Variants in FBXL4 observed in about 807,000 individuals in gnomAD.
The protein encoded by FBXL4 is F-box/LRR-repeat protein 4.
Under a neutral mutation model 58.9 loss-of-function variants are expected in FBXL4, and 40 were observed. The ratio of observed to expected loss-of-function variants is 0.68; its 90% CI spans 0.53 to 0.88. The LOEUF (loss-of-function observed/expected upper bound fraction) is 0.88, where lower values mean the gene tolerates loss of function less well. Ranked by LOEUF, FBXL4 falls within the 40% of genes least tolerant of loss-of-function variation. FBXL4 has a pLI of 0.00. For synonymous variants in FBXL4, 263 were observed against 265.5 expected, an observed-to-expected ratio of 0.99 and a Z score of 0.09; for missense variants, 676 against 734.4, an observed-to-expected ratio of 0.92 and a Z score of 0.92.
intron 2 of FBXL4, among the ~76,000 whole-genome samples, chr6:98,931,121 G>A (rs761277273): frequency 4.6e-5 from 7 of 152,096 alleles, no homozygotes; most frequent in Admixed American, 3.3e-4. Context: ...CTCACTCCAC[G>A]GTCTATAAAT....
At chr6:98,901,786 T>C (rs1771621413) in intron 6 of FBXL4, among the ~76,000 whole-genome samples, 1 of 152,224 alleles carries the variant, frequency 6.6e-6, no homozygotes, top group Non-Finnish European at 1.5e-5. Flanking sequence ...CTTTAATGCA[T>C]AATTACATAT....
rs1770424808 is a variant in FBXL4, at chr6:98,869,000, A to C, written c.*5278T>G. 1 of 152,212 alleles carries C rather than the reference A, an allele frequency of 6.6e-6. No homozygotes were observed. The highest frequency in any genetic ancestry group is 6.5e-5 in the Admixed American group (1 of 15,286). 9.4% of individuals were successfully genotyped at this position (152,212 alleles called of 1,614,324 possible). On this transcript the variant is annotated 3_prime_UTR_variant, in exon 10 of 10. Transcript: ENST00000369244. ...ACTTATAAAAAATATATAATAAATC[A>C]TGATCTTTGATTAAAGCAAATGACT... is the stretch of plus-strand genomic sequence containing the variant.
intron 7 of FBXL4, chr6:98,898,862 A>T: frequency 1.0e-6 from 1 of 985,374 alleles, no homozygotes; most frequent in Non-Finnish European, 1.2e-6. Flanking sequence ...TAACTATGGT[A>T]TTACAAATTT....
chr6:98,879,376 G>A (rs191590475), intron 8 of FBXL4, among the ~76,000 whole-genome samples: 2 of 152,226 alleles, frequency 1.3e-5, no homozygotes, highest in Admixed American at 1.3e-4. Context: ...GATGAAGTGA[G>A]GAGGAATGAA....
rs748199266 is a variant in FBXL4, at chr6:98,917,383, T to C, written c.849A>G (p.Leu283=). ...AATATTTTTGGCTTACCTCATAAGG[T>C]AGTTTATCAAAATACCCATTATTTG... The part of the protein sequence containing the change: ...EGPNNGYFDK[L]PYELIQLILN... The change falls in exon 5 of 10, where the codon CTA becomes CTG. Residue 283 remains leucine (L), a synonymous_variant. Coordinates refer to ENST00000369244, the MANE Select transcript of FBXL4 (RefSeq NM_001278716.2). The C allele has an allele frequency of 1.2e-6, 2 of 1,600,936 alleles. No individual in the cohort carries two copies. Among genetic ancestry groups the C allele is most frequent in the Non-Finnish European group, 8.5e-7 (1 of 1,173,120 alleles).
At chr6:98,882,637 A>G (rs920171779) in intron 7 of FBXL4, among the ~76,000 whole-genome samples, 1 of 151,766 alleles carries the variant, frequency 6.6e-6, no homozygotes, top group South Asian at 2.1e-4. Flanking sequence ...TATCAACTCA[A>G]TATTTTGTTT....
In FBXL4 at chr6:98,891,724, A is replaced by G. The variant is rs1484717077; in HGVS notation, c.1317+7544T>C. Among the ~76,000 whole-genome samples the G allele has an allele frequency of 7.3e-5, 5 of 68,756 alleles. No individual in the cohort carries two copies. The South Asian group carries it at 2.9e-3, about 40-fold the overall frequency. The allele number at this position is 68,756 out of a possible 152,430, so 45.1% of individuals were successfully genotyped here. A position where few individuals can be genotyped will look rare whatever the true frequency, so the allele number is the denominator to read the frequency against. ...ACACAGTGAGACCCTATCTCTACCA[A>G]AAAAAAAAAAAAAAAAAATTTAAAG... On this transcript the variant is annotated intron_variant, in intron 7 of 9. Transcript: ENST00000369244.
At chr6:98,886,546 G>C (rs557942762) in intron 7 of FBXL4, among the ~76,000 whole-genome samples, 1 of 152,064 alleles carries the variant, frequency 6.6e-6, no homozygotes, top group South Asian at 2.1e-4. Context: ...AAAATTTCTA[G>C]TTCTTTTTCA....
rs1773322420 is a variant in FBXL4 at position 98,938,893 on chromosome 6, A to G, written c.-308-4014T>C. ...AGACCAGGAGTTTAAGACCAGCCTA[A>G]GAAACATAGGGAGACCCTGCCTCTA... On this transcript the variant is annotated intron_variant, in intron 1 of 9. Coordinates refer to ENST00000369244, the MANE Select transcript of FBXL4 (RefSeq NM_001278716.2). Among the ~76,000 whole-genome samples, 3 of 151,994 alleles carry G rather than the reference A, an allele frequency of 2.0e-5. No individual in the cohort carries two copies. The South Asian group carries it at 6.2e-4, about 32-fold the overall frequency.
Position 98,875,585 on chromosome 6 carries a change from T to A in FBXL4, c.1532A>T (p.Asp511Val). The A allele has an allele frequency of 1.2e-6, 2 of 1,614,108 alleles. No homozygotes were observed. Among genetic ancestry groups the A allele is most frequent in the Non-Finnish European group, 1.7e-6 (2 of 1,180,008 alleles). ...CTGCAGAGTTGGGCACCAGCCAAGG[T>A]CAAGCTCCTCCAGTAGTGGACACCC... ...ASGCPLLEEL[D>V]LGWCPTLQSS... Residue 511 changes from aspartate (D) to valine (V), a missense_variant, in exon 9 of 10, where the codon GAC becomes GTC. Asp to Val is a radical substitution (Grantham distance 152, BLOSUM62 -3). Transcript: ENST00000369244.
At chr6:98,895,661 C>T (rs1771383862) in intron 7 of FBXL4, among the ~76,000 whole-genome samples, 1 of 152,130 alleles carries the variant, frequency 6.6e-6, no homozygotes, top group African/African-American at 2.4e-5. Flanking sequence ...ATACCACCAA[C>T]CCTATTCAGA....
intron 5 of FBXL4, among the ~76,000 whole-genome samples, chr6:98,910,850 G>A (rs1031027622): frequency 6.6e-5 from 10 of 152,270 alleles, no homozygotes; most frequent in Admixed American, 2.6e-4. Flanking sequence ...GCAGCGCACC[G>A]TGCGCCAGCC....
intron 5 of FBXL4, among the ~76,000 whole-genome samples, chr6:98,912,509 G>A (rs1001247254): frequency 6.6e-6 from 1 of 152,118 alleles, no homozygotes; most frequent in Non-Finnish European, 1.5e-5. Flanking sequence ...AGAAGAGAGT[G>A]GGGGCCAATA....
At position 98,899,334 on chromosome 6, in the gene FBXL4, T is replaced by C. The variant is rs151258576; in HGVS notation, c.1251A>G (p.Gln417=). 3.3e-4 allele frequency: 529 copies of C among 1,613,936 alleles called. 2 individuals carry two copies. The highest frequency in any genetic ancestry group is 1.6e-4 in the Non-Finnish European group (183 of 1,179,958). ...NLSSCDKLPP[Q]AFNHIAKLCS... ...ATAACTTGGCAATGTGGTTGAAAGC[T>C]TGAGGTGGTAGCTTATCACAGGAGG... is the stretch of plus-strand genomic sequence containing the variant. Residue 417 remains glutamine, a synonymous_variant, in exon 7 of 10, where the codon CAA becomes CAG. Transcript: ENST00000369244.
chr6:98,937,420 A>G (rs1773262375), intron 1 of FBXL4, among the ~76,000 whole-genome samples: 1 of 152,254 alleles, frequency 6.6e-6, no homozygotes, highest in East Asian at 1.9e-4. Flanking sequence ...TGTAAGTTAT[A>G]TAATTTATGC....
At chr6:98,901,779 T>C (rs886937538) in intron 6 of FBXL4, among the ~76,000 whole-genome samples, 1 of 152,198 alleles carries the variant, frequency 6.6e-6, no homozygotes, top group Admixed American at 6.6e-5. Flanking sequence ...GGTTTTACTT[T>C]AATGCATAAT....
chr6:98,915,987 C>T (rs1042637070), intron 5 of FBXL4, among the ~76,000 whole-genome samples: 2 of 151,916 alleles, frequency 1.3e-5, no homozygotes, highest in African/African-American at 4.8e-5. Context: ...AAAAACAACC[C>T]CATCAAAAAG....
At chr6:98,911,202 C>G (rs1200107340) in intron 5 of FBXL4, among the ~76,000 whole-genome samples, 1 of 152,220 alleles carries the variant, frequency 6.6e-6, no homozygotes, top group Non-Finnish European at 1.5e-5. Context: ...GAGCCCACCA[C>G]AACTCAAGGA....
chr6:98,889,345 A>T (rs1428825078), intron 7 of FBXL4, among the ~76,000 whole-genome samples: 1 of 152,118 alleles, frequency 6.6e-6, no homozygotes, highest in East Asian at 1.9e-4. Flanking sequence ...TAGCAAGTTT[A>T]TTCCCCCTAG....
Sources: allele counts gnomAD v4.1 joint callset (sites outside exome capture counted in the v4.1 genomes callset), GRCh38; gene constraint gnomAD v4.1.1; transcripts MANE v1.5; gene names NCBI Gene and HGNC (gene_info 2026-07-23, HGNC 2026-07-21).